The following GABBR2 variants were observed in gnomAD, a reference collection of about 807,000 sequenced individuals.
The protein encoded by GABBR2 is G-protein coupled receptor 51.
GABBR2 carries 23 observed loss-of-function variants against 105.6 expected under a neutral mutation model. That is an observed-to-expected ratio of 0.22 (90% CI 0.16 to 0.31). GABBR2 has a LOEUF of 0.31. GABBR2 is among the 10% of genes least tolerant of loss of function. GABBR2 has a pLI of 1.00. For missense variants in GABBR2, 734 were observed against 1,245.5 expected (o/e 0.59, Z 6.18); for synonymous variants, 478 against 499.7 (o/e 0.96, Z 0.58).
In GABBR2 at chr9:98,465,275, G is replaced by A. The variant is rs188240840; in HGVS notation, c.999+7871C>T. Among the ~76,000 whole-genome samples the A allele has an allele frequency of 2.0e-3, 311 of 152,036 alleles. 1 individual carries two copies. Among genetic ancestry groups the A allele is most frequent in the African/African-American group, 7.0e-3 (291 of 41,488 alleles). On this transcript the variant is annotated intron_variant, in intron 6 of 18. Transcript: ENST00000259455. ...GACAAAAGTAATATGGCGGCACAGTGTGGGAAAAGATGGACTTTTCAATAA... is the reference window on the plus strand; with the variant it reads ...GACAAAAGTAATATGGCGGCACAGTATGGGAAAAGATGGACTTTTCAATAA...
At chr9:98,410,230 C>T (rs1160787244) in intron 7 of GABBR2, among the ~76,000 whole-genome samples, 2 of 151,944 alleles carry the variant, frequency 1.3e-5, no homozygotes, top group Non-Finnish European at 2.9e-5. Context: ...TTGTGCAATT[C>T]CAGGGCTGTA....
At chr9:98,437,538 C>T (rs1244545916) in intron 7 of GABBR2, among the ~76,000 whole-genome samples, 1 of 151,348 alleles carries the variant, frequency 6.6e-6, no homozygotes, top group Non-Finnish European at 1.5e-5. Flanking sequence ...TATATCCATC[C>T]ACCTATCTAC....
intron 13 of GABBR2, among the ~76,000 whole-genome samples, chr9:98,313,303 G>T (rs910312078): frequency 6.6e-6 from 1 of 152,174 alleles, no homozygotes; most frequent in African/African-American, 2.4e-5. Context: ...TTTTAGTGGA[G>T]AATGGTGTTT....
At chr9:98,503,933 A>G (rs568912956) in intron 3 of GABBR2, among the ~76,000 whole-genome samples, 2 of 152,256 alleles carry the variant, frequency 1.3e-5, no homozygotes, top group East Asian at 1.9e-4. Flanking sequence ...AGAGCTTTCC[A>G]GGAGTTTCCA....
chr9:98,520,048 G>A (rs1827835818), intron 3 of GABBR2, among the ~76,000 whole-genome samples: 1 of 152,102 alleles, frequency 6.6e-6, no homozygotes, highest in African/African-American at 2.4e-5. Flanking sequence ...GGCTACCTTG[G>A]GTGAGTAAGG....
chr9:98,631,166 T>G (rs1397781863), intron 1 of GABBR2, among the ~76,000 whole-genome samples: 1 of 152,212 alleles, frequency 6.6e-6, no homozygotes, highest in Non-Finnish European at 1.5e-5. Flanking sequence ...TAGACTGAGT[T>G]GATTTTCAAC....
At chr9:98,600,019 A>G (rs1360815777) in intron 1 of GABBR2, among the ~76,000 whole-genome samples, 1 of 152,162 alleles carries the variant, frequency 6.6e-6, no homozygotes, top group Non-Finnish European at 1.5e-5. Context: ...CGCGCTGGCT[A>G]ATTGCTGAAG....
chr9:98,448,784 C>G (rs558194809), intron 7 of GABBR2, among the ~76,000 whole-genome samples: 101 of 152,252 alleles, frequency 6.6e-4, no homozygotes, highest in African/African-American at 2.2e-3. Flanking sequence ...AAAGACAAAT[C>G]AGAAGATACA....
At chr9:98,303,593 G>T (rs1437121718) in intron 15 of GABBR2, among the ~76,000 whole-genome samples, 170 bp from the exon 16 acceptor site, 1 of 152,216 alleles carries the variant, frequency 6.6e-6, no homozygotes, top group African/African-American at 2.4e-5. Context: ...TCTGCTACTC[G>T]CTTGTGTGTG....
chr9:98,293,674 G>A, intron 18 of GABBR2, 111 bp downstream of exon 18: 1 of 656,598 alleles, frequency 1.5e-6, no homozygotes, highest in Admixed American at 2.4e-5. Flanking sequence ...TGGGATGGCT[G>A]TGGAAAGCAA....
At chr9:98,294,774 A>T (rs1448392891) in intron 17 of GABBR2, among the ~76,000 whole-genome samples, 4 of 152,188 alleles carry the variant, frequency 2.6e-5, no homozygotes, top group African/African-American at 9.6e-5. Flanking sequence ...CGCTGCGCCC[A>T]GCCACAACCT....
Position 98,422,999 on chromosome 9 carries a change from C to T in GABBR2, c.1237-16858G>A, listed in dbSNP as rs377351413. 5.3e-5 allele frequency among the ~76,000 whole-genome samples: 8 copies of T among 152,250 alleles called. No homozygotes were observed. In the South Asian group the frequency reaches 6.2e-4, roughly 12 times the overall value. ...GTGTATATGTGCCACATTTGCTTAA[C>T]CCAGTCTATCATTGTTGGACATTTG... On this transcript the variant is annotated intron_variant, in intron 7 of 18. Coordinates refer to ENST00000259455, the MANE Select transcript of GABBR2 (RefSeq NM_005458.8).
chr9:98,436,592 C>T (rs1395764923), intron 7 of GABBR2, among the ~76,000 whole-genome samples: 2 of 150,684 alleles, frequency 1.3e-5, no homozygotes, highest in East Asian at 2.0e-4. Context: ...TGCTAAGACA[C>T]TGGGGACAGC....
intron 7 of GABBR2, 105 bp downstream of exon 7, chr9:98,453,876 T>C: frequency 1.2e-6 from 1 of 803,264 alleles, no homozygotes; most frequent in Non-Finnish European, 2.1e-6. Flanking sequence ...ATTTCAATGA[T>C]CAGAGATAAC....
At chr9:98,619,403 A>G (rs1260052817) in intron 1 of GABBR2, among the ~76,000 whole-genome samples, 1 of 152,228 alleles carries the variant, frequency 6.6e-6, no homozygotes, top group African/African-American at 2.4e-5. Context: ...CAGCCCAGAA[A>G]GAGAGATTTG....
intron 3 of GABBR2, among the ~76,000 whole-genome samples, chr9:98,525,812 G>A (rs139091568): frequency 6.6e-6 from 1 of 152,054 alleles, no homozygotes; most frequent in Admixed American, 6.6e-5. Flanking sequence ...TCCACAAATT[G>A]GAATATTATT....
intron 3 of GABBR2, among the ~76,000 whole-genome samples, chr9:98,537,441 T>C (rs539879637): frequency 6.6e-6 from 1 of 152,088 alleles, no homozygotes; most frequent in African/African-American, 2.4e-5. Context: ...GTGGCGATGG[T>C]TGCACAAACA....
intron 7 of GABBR2, among the ~76,000 whole-genome samples, chr9:98,451,096 A>T (rs1458119215): frequency 6.6e-6 from 1 of 152,126 alleles, no homozygotes; most frequent in Non-Finnish European, 1.5e-5. Context: ...GTCTCAGTCC[A>T]TGAACTTGTA....
chr9:98,672,838 A>G (rs546067443), intron 1 of GABBR2, among the ~76,000 whole-genome samples: 1 of 152,272 alleles, frequency 6.6e-6, no homozygotes, highest in Non-Finnish European at 1.5e-5. Flanking sequence ...GGTCACGGCC[A>G]CCTCCCTTAA....
Sources: allele counts gnomAD v4.1 joint callset (sites outside exome capture counted in the v4.1 genomes callset), GRCh38; gene constraint gnomAD v4.1.1; transcripts MANE v1.5; gene names NCBI Gene and HGNC (gene_info 2026-07-23, HGNC 2026-07-21).